Variants in ADAM18 observed in about 807,000 individuals in gnomAD.
The protein encoded by ADAM18 is ADAM metallopeptidase domain 18.
ADAM18 carries 117 observed loss-of-function variants against 94.4 expected under a neutral mutation model. That is an observed-to-expected ratio of 1.24 (90% CI 1.07 to 1.45). The LOEUF (loss-of-function observed/expected upper bound fraction) is 1.45, where lower values mean the gene tolerates loss of function less well. Among genes scored for constraint, ADAM18 ranks in the 40% most tolerant of loss-of-function variants. The pLI, the probability that ADAM18 is intolerant of heterozygous loss-of-function variation, is 0.00. For missense variants in ADAM18, 936 were observed against 880.0 expected, an observed-to-expected ratio of 1.06 and a Z score of -0.81; for synonymous variants, 327 against 291.6, an observed-to-expected ratio of 1.12 and a Z score of -1.24.
At chr8:39,659,848 A>G (rs1226959041) in intron 12 of ADAM18, among the ~76,000 whole-genome samples, 1 of 152,096 alleles carries the variant, frequency 6.6e-6, no homozygotes, top group African/African-American at 2.4e-5. Flanking sequence ...ATAGATACCA[A>G]AAAATCTGAA....
intron 6 of ADAM18, among the ~76,000 whole-genome samples, chr8:39,619,726 A>G (rs987227030): frequency 3.3e-5 from 5 of 152,172 alleles, no homozygotes; most frequent in African/African-American, 1.2e-4. Flanking sequence ...ACATGGATGA[A>G]AGAAATTGAA....
At chr8:39,723,440 T>A (rs192639100) in intron 18 of ADAM18, among the ~76,000 whole-genome samples, 5 of 151,770 alleles carry the variant, frequency 3.3e-5, no homozygotes, top group East Asian at 3.9e-4. Flanking sequence ...ATACATTTTT[T>A]AAAATTGTAA....
chr8:39,630,651 T>A (rs115059722), intron 7 of ADAM18, among the ~76,000 whole-genome samples: 90 of 152,056 alleles, frequency 5.9e-4, no homozygotes, highest in African/African-American at 2.1e-3. Flanking sequence ...TATACTAACG[T>A]GAAGAATACC....
chr8:39,722,298 T>A (rs1005899935), intron 18 of ADAM18, among the ~76,000 whole-genome samples: 2 of 145,606 alleles, frequency 1.4e-5, no homozygotes, highest in Non-Finnish European at 3.0e-5. Context: ...CATTGATGAA[T>A]ACATATTTAT....
chr8:39,637,758 T>G, intron 9 of ADAM18, 55 bp downstream of exon 9: 1 of 1,418,250 alleles, frequency 7.1e-7, no homozygotes, highest in Admixed American at 2.6e-5. Flanking sequence ...TTTAAATTGG[T>G]AATTTAGTGA....
intron 14 of ADAM18, among the ~76,000 whole-genome samples, chr8:39,674,511 G>A (rs1821244989): frequency 1.3e-5 from 2 of 152,104 alleles, no homozygotes; most frequent in African/African-American, 4.8e-5. Context: ...GAGCCTATGT[G>A]TGTCTTTGCA....
At position 39,729,971 on chromosome 8, in the gene ADAM18, T is replaced by G. The variant is rs1586024231; in HGVS notation, c.*31T>G. 1.3e-6 allele frequency: 2 copies of G among 1,592,934 alleles called. No individual in the cohort carries two copies. Among genetic ancestry groups the G allele is most frequent in the East Asian group, 4.5e-5 (2 of 44,786 alleles). On this transcript the variant is annotated 3_prime_UTR_variant, in exon 20 of 20. Coordinates refer to ENST00000265707, the MANE Select transcript of ADAM18 (RefSeq NM_014237.3). ...CACAGAACTTCCATAGCAAATAACC[T>G]AAAGGAACGAATGTGCTTTATTTAT...
At chr8:39,675,008 G>A (rs1821263097) in intron 14 of ADAM18, among the ~76,000 whole-genome samples, 1 of 152,166 alleles carries the variant, frequency 6.6e-6, no homozygotes, top group South Asian at 2.1e-4. Context: ...AGTCTGATGG[G>A]CTTCCCTTTG....
At chr8:39,651,278 C>T (rs1446803637) in intron 12 of ADAM18, among the ~76,000 whole-genome samples, 2 of 152,158 alleles carry the variant, frequency 1.3e-5, no homozygotes, top group African/African-American at 4.8e-5. Context: ...AGACAGATGC[C>T]TTTCTCTTAT....
chr8:39,658,177 T>C (rs192191157), intron 12 of ADAM18, among the ~76,000 whole-genome samples: 106 of 152,268 alleles, frequency 7.0e-4, no homozygotes, highest in Non-Finnish European at 1.2e-3. Flanking sequence ...TAAAAGAATC[T>C]ATGGCAAATT....
At position 39,710,189 on chromosome 8, in the gene ADAM18, G is replaced by C. The variant is rs147575771; in HGVS notation, c.2017+3285G>C. Among the ~76,000 whole-genome samples the C allele has an allele frequency of 5.2e-3, 785 of 152,246 alleles. 4 individuals are homozygous for C. Among genetic ancestry groups the C allele is most frequent in the Middle Eastern group, 0.01 (3 of 294 alleles). On this transcript the variant is annotated intron_variant, in intron 18 of 19. Transcript: ENST00000265707. ...TCTGAGATTATTAATCTCTGAAAAA[G>C]AAGATTAAAAGGAACAGCAATAAGG... is the stretch of plus-strand genomic sequence containing the variant.
chr8:39,606,798 T>C (rs985877686), intron 3 of ADAM18, among the ~76,000 whole-genome samples: 10 of 151,576 alleles, frequency 6.6e-5, no homozygotes, highest in African/African-American at 1.9e-4. Flanking sequence ...CAAAGGGAGA[T>C]AGGGGTGGGG....
chr8:39,708,828 AG>A, intron 18 of ADAM18, among the ~76,000 whole-genome samples: 1 of 152,134 alleles, frequency 6.6e-6, no homozygotes, highest in Non-Finnish European at 1.5e-5. Flanking sequence ...TGCAGGGTGC[AG>A]GGGCCAAGGT....
chr8:39,681,114 C>T (rs1208367951), intron 16 of ADAM18, among the ~76,000 whole-genome samples: 1 of 152,180 alleles, frequency 6.6e-6, no homozygotes, highest in Non-Finnish European at 1.5e-5. Flanking sequence ...TTTGGAATGT[C>T]ACAAGATTAG....
chr8:39,659,113 A>G (rs1034019060), intron 12 of ADAM18, among the ~76,000 whole-genome samples: 2 of 152,120 alleles, frequency 1.3e-5, no homozygotes, highest in Non-Finnish European at 2.9e-5. Context: ...ATTTGAGACA[A>G]TTATAATGCA....
chr8:39,672,335 G>A lies in ADAM18; in HGVS notation c.1525+4139G>A, dbSNP rs543932249. On this transcript the variant is annotated intron_variant, in intron 14 of 19. Transcript: ENST00000265707. ...TGCCACTACACTCACCGGTAGCAATGGATATGATAAGATCTGGAAAAATCA... is the reference window on the plus strand; with the variant it reads ...TGCCACTACACTCACCGGTAGCAATAGATATGATAAGATCTGGAAAAATCA... Among the ~76,000 whole-genome samples the A allele has an allele frequency of 2.2e-4, 34 of 152,248 alleles. 1 individual carries two copies. The South Asian group carries it at 6.6e-3, about 30-fold the overall frequency.
At chr8:39,646,268 T>G (rs1026148751) in intron 11 of ADAM18, among the ~76,000 whole-genome samples, 1 of 152,092 alleles carries the variant, frequency 6.6e-6, no homozygotes, top group African/African-American at 2.4e-5. Context: ...CTTGGTGCTA[T>G]CCAATAGAAA....
chr8:39,656,680 G>A (rs1432782669), intron 12 of ADAM18, among the ~76,000 whole-genome samples: 1 of 152,142 alleles, frequency 6.6e-6, no homozygotes, highest in African/African-American at 2.4e-5. Flanking sequence ...ACATAAATGT[G>A]ACAGGAGATA....
chr8:39,675,323 T>A (rs1210090986), intron 14 of ADAM18, among the ~76,000 whole-genome samples: 1 of 152,158 alleles, frequency 6.6e-6, no homozygotes, highest in Non-Finnish European at 1.5e-5. Context: ...GTTCGTTTCT[T>A]TTTACTCTTT....
Sources: allele counts gnomAD v4.1 joint callset (sites outside exome capture counted in the v4.1 genomes callset), GRCh38; gene constraint gnomAD v4.1.1; transcripts MANE v1.5; gene names NCBI Gene and HGNC (gene_info 2026-07-23, HGNC 2026-07-21).